Variants in DTX3L observed in about 807,000 individuals in gnomAD.
The protein encoded by DTX3L is E3 ubiquitin-protein ligase DTX3L.
Under a neutral mutation model 60.9 loss-of-function variants are expected in DTX3L, and 34 were observed. That is an observed-to-expected ratio of 0.56 (90% CI 0.42 to 0.74). The LOEUF (loss-of-function observed/expected upper bound fraction) is 0.74. DTX3L is among the 30% of genes least tolerant of loss of function. The probability of loss-of-function intolerance (pLI) is 0.00; values close to 1 mark genes in which losing one functional copy is unlikely to be tolerated. For synonymous variants in DTX3L, 290 were observed against 316.6 expected (o/e 0.92, Z 0.89); for missense variants, 810 against 874.0 (o/e 0.93, Z 0.92).
chr3:122,565,560 G>GGAAA (rs1329903448), intron 1 of DTX3L, among the ~76,000 whole-genome samples: 1 of 147,550 alleles, frequency 6.8e-6, no homozygotes, highest in Non-Finnish European at 1.5e-5. Flanking sequence ...AGGGAGGGAG[G>GGAAA]GAAAGAAGGA....
In DTX3L at chr3:122,571,815, C is replaced by A; in HGVS notation, c.*68C>A. On this transcript the variant is annotated 3_prime_UTR_variant, in exon 5 of 5. Coordinates refer to ENST00000296161, the MANE Select transcript of DTX3L (RefSeq NM_138287.3). The stretch of plus-strand genomic sequence containing the variant: ...TATATTTTAGGAGGCTGATTTAATG[C>A]CAGTCTAAATCCTTATGTAGAAAGG... 7.4e-7 allele frequency: 1 copy of A among 1,348,550 alleles called. No individual in the cohort carries two copies. Among genetic ancestry groups the A allele is most frequent in the Non-Finnish European group, 1.0e-6 (1 of 968,980 alleles). 83.5% of individuals were successfully genotyped at this position (1,348,550 alleles called of 1,614,324 possible). A position where few individuals can be genotyped will look rare whatever the true frequency, so the allele number is the denominator to read the frequency against.
At chr3:122,566,807 C>T (rs959331006) in intron 2 of DTX3L, among the ~76,000 whole-genome samples, 1 of 152,160 alleles carries the variant, frequency 6.6e-6, no homozygotes, top group African/African-American at 2.4e-5. Context: ...GCTGGGGAGG[C>T]AGCCAGGAAC....
At chr3:122,565,278 G>A (rs966035439) in intron 1 of DTX3L, among the ~76,000 whole-genome samples, 1 of 152,028 alleles carries the variant, frequency 6.6e-6, no homozygotes, top group Non-Finnish European at 1.5e-5. Context: ...TTTGGAGGCC[G>A]AGGTTGGTGG....
In DTX3L at chr3:122,568,644, T is replaced by C. The variant is rs768299894; in HGVS notation, c.555T>C (p.His185=). The change falls in exon 3 of 5, where the codon CAT becomes CAC. Residue 185 remains histidine, a synonymous_variant. Coordinates refer to ENST00000296161, the MANE Select transcript of DTX3L (RefSeq NM_138287.3). The part of the protein sequence containing the change: ...CGDFQDIERI[H]QFLSEQFLES... ...ACTTCCAAGACATTGAAAGAATACA[T>C]CAATTTTTGAGTGAGCAGTTCCTGG... The C allele has an allele frequency of 3.1e-6, 5 of 1,614,004 alleles. No individual in the cohort carries two copies. The highest frequency in any genetic ancestry group is 4.2e-6 in the Non-Finnish European group (5 of 1,180,032).
chr3:122,575,030 A>C lies in DTX3L; in HGVS notation c.*3283A>C, dbSNP rs1232165758. 2 of 152,218 alleles carry C rather than the reference A, an allele frequency of 1.3e-5. No homozygotes were observed. The highest frequency in any genetic ancestry group is 2.9e-5 in the Non-Finnish European group (2 of 68,038). 9.4% of individuals were successfully genotyped at this position (152,218 alleles called of 1,614,324 possible). A position where few individuals can be genotyped will look rare whatever the true frequency, so the allele number is the denominator to read the frequency against. On this transcript the variant is annotated 3_prime_UTR_variant, in exon 5 of 5. Coordinates refer to ENST00000296161, the MANE Select transcript of DTX3L (RefSeq NM_138287.3). Reference sequence around the variant, plus strand: ...TCTTTTAGCTAAATTTGTTCCAAAGAAGCAAAAGTTTGGTTTCTACTAAGT... The same window carrying C: ...TCTTTTAGCTAAATTTGTTCCAAAGCAGCAAAAGTTTGGTTTCTACTAAGT...
At position 122,569,223 on chromosome 3, in the gene DTX3L, T is replaced by C. The variant is rs774974553; in HGVS notation, c.1134T>C (p.Ile378=). Residue 378 remains isoleucine, a synonymous_variant, in exon 3 of 5, where the codon ATT becomes ATC. Coordinates refer to ENST00000296161, the MANE Select transcript of DTX3L (RefSeq NM_138287.3). ...CTGCCAATTACATGATGAATGTAATTGAGGTTGATAGTGCCCACTATAAAC... is the reference window on the plus strand; with the variant it reads ...CTGCCAATTACATGATGAATGTAATCGAGGTTGATAGTGCCCACTATAAAC... ...LFAANYMMNV[I]EVDSAHYKLL... 1 of 1,614,152 alleles carries C rather than the reference T, an allele frequency of 6.2e-7. No homozygotes were observed. The highest frequency in any genetic ancestry group is 1.1e-5 in the South Asian group (1 of 91,082).
At chr3:122,570,979 C>G (rs182159976) in intron 4 of DTX3L, among the ~76,000 whole-genome samples, 1 of 152,096 alleles carries the variant, frequency 6.6e-6, no homozygotes, top group Admixed American at 6.6e-5. Flanking sequence ...GCTAGATGCT[C>G]GGAATGTCAC....
Position 122,569,548 on chromosome 3 carries a change from C to A in DTX3L, c.1459C>A (p.Gln487Lys). ...RHPNVHFVLNQESMTLTGLPN... is the reference protein window; with the variant it reads ...RHPNVHFVLNKESMTLTGLPN... The stretch of plus-strand genomic sequence containing the variant: ...TCCAAATGTACACTTTGTGCTAAAT[C>A]AAGAGTCAATGACTTTGACTGGTTT... Residue 487 changes from glutamine (Q) to lysine (K), a missense_variant, in exon 3 of 5, where the codon CAA becomes AAA. Transcript: ENST00000296161. The A allele has an allele frequency of 3.7e-6, 6 of 1,614,180 alleles. No individual in the cohort carries two copies. Among genetic ancestry groups the A allele is most frequent in the Non-Finnish European group, 5.1e-6 (6 of 1,180,042 alleles).
rs1216615032 is a variant in DTX3L, at chr3:122,569,608, CT to C, written c.1520del (p.Leu507GlnfsTer14). Reference sequence around the variant, plus strand: ...CCTTGCAAAGGCGAAGCAGTATGTTCTAAAAGGAGGAGGAATGTCTTCATTG... The same window carrying C: ...CCTTGCAAAGGCGAAGCAGTATGTTCAAAAGGAGGAGGAATGTCTTCATTG... ...NHLAKAKQYVLKGGGMSSLAG... is the reference protein window; with the variant it reads ...NHLAKAKQYVXKGGGMSSLAG... On this transcript the variant is annotated frameshift_variant, in exon 3 of 5. Coordinates refer to ENST00000296161, the MANE Select transcript of DTX3L (RefSeq NM_138287.3). LOFTEE classifies it high-confidence loss of function. 1.9e-6 allele frequency: 3 copies of C among 1,614,132 alleles called. No individual in the cohort carries two copies. The African/African-American group carries it at 4.0e-5, about 22-fold the overall frequency.
In DTX3L at chr3:122,569,102, G is replaced by C; in HGVS notation, c.1013G>C (p.Gly338Ala). 6.2e-7 allele frequency: 1 copy of C among 1,614,138 alleles called. No individual in the cohort carries two copies. Among genetic ancestry groups the C allele is most frequent in the Non-Finnish European group, 8.5e-7 (1 of 1,180,022 alleles). ...ACAAAGCTCCTTATAAAGGAGAAAG[G>C]AGGCGAATTAACTCTCCTTGGGACC... Reference protein sequence around the residue: ...QFTKLLIKEKGGELTLLGTQD... With the variant: ...QFTKLLIKEKAGELTLLGTQD... The change falls in exon 3 of 5, where the codon GGA becomes GCA. Residue 338 changes from glycine (G) to alanine (A), a missense_variant. Coordinates refer to ENST00000296161, the MANE Select transcript of DTX3L (RefSeq NM_138287.3).
Position 122,570,665 on chromosome 3 carries a change from C to A in DTX3L, c.2146C>A (p.Pro716Thr). ...CCACAAAACATCCCGGTTTGGAGGA[C>A]CAGAAATGTGAGATCCTTTTGGGAT... ...IHHKTSRFGGPEMYGYPDPSY... is the reference protein window; with the variant it reads ...IHHKTSRFGGTEMYGYPDPSY... The change falls in exon 4 of 5, where the codon CCA becomes ACA. Residue 716 changes from proline to threonine, a missense_variant. Pro to Thr is a conservative substitution (Grantham distance 38). Transcript: ENST00000296161. The A allele has an allele frequency of 1.9e-6, 3 of 1,614,034 alleles. No individual in the cohort carries two copies. Among genetic ancestry groups the A allele is most frequent in the Non-Finnish European group, 2.5e-6 (3 of 1,179,996 alleles).
rs2080670030 is a variant in DTX3L, at chr3:122,574,593, T to TC, written c.*2849dup. The TC allele has an allele frequency of 6.6e-6, 1 of 152,236 alleles. No homozygotes were observed. Among genetic ancestry groups the TC allele is most frequent in the Non-Finnish European group, 1.5e-5 (1 of 68,046 alleles). The allele number at this position is 152,236 out of a possible 1,614,324, so 9.4% of individuals were successfully genotyped here. On this transcript the variant is annotated 3_prime_UTR_variant, in exon 5 of 5. Coordinates refer to ENST00000296161, the MANE Select transcript of DTX3L (RefSeq NM_138287.3). Reference sequence around the variant, plus strand: ...TCTGTGTGATTGATACAGTTCATATTCCCATTTTATAACTGAGAAAACTGG... The same window carrying TC: ...TCTGTGTGATTGATACAGTTCATATTCCCCATTTTATAACTGAGAAAACTGG...
Position 122,569,838 on chromosome 3 carries a change from C to A in DTX3L, c.1749C>A (p.Ala583=). ...VLPKCKHEFC[A]PCINKAMSYK... is the part of the protein sequence containing the mutation. ...CAAAGTGCAAGCATGAATTCTGCGCCCCTTGTATCAACAAAGCCATGTCAT... is the reference window on the plus strand; with the variant it reads ...CAAAGTGCAAGCATGAATTCTGCGCACCTTGTATCAACAAAGCCATGTCAT... The change falls in exon 3 of 5, where the codon GCC becomes GCA. Residue 583 remains alanine (A), a synonymous_variant. Transcript: ENST00000296161. The A allele has an allele frequency of 6.2e-7, 1 of 1,614,098 alleles. No individual in the cohort carries two copies.
rs201919153 is a variant in DTX3L, at chr3:122,569,746, C to G, written c.1657C>G (p.Leu553Val). ...KGSVSSEASELDKKEKGICVI... is the reference protein window; with the variant it reads ...KGSVSSEASEVDKKEKGICVI... ...CTCTGTGAGTTCTGAGGCCTCAGAA[C>G]TGGACAAGAAGGAAAAGGGCATCTG... Residue 553 changes from leucine (L) to valine (V), a missense_variant, in exon 3 of 5, where the codon CTG (leucine) becomes GTG (valine). Transcript: ENST00000296161. 541 of 1,614,108 alleles carry G rather than the reference C, an allele frequency of 3.4e-4. No homozygotes were observed. The highest frequency in any genetic ancestry group is 4.0e-4 in the Non-Finnish European group (476 of 1,180,002).
At chr3:122,565,406 GGA>G (rs1386748405) in intron 1 of DTX3L, among the ~76,000 whole-genome samples, 1 of 151,444 alleles carries the variant, frequency 6.6e-6, no homozygotes, top group Non-Finnish European at 1.5e-5. Flanking sequence ...AAGCTACTCT[GGA>G]GGCTGAGGCA....
chr3:122,569,145 T>C lies in DTX3L; in HGVS notation c.1056T>C (p.Ala352=), dbSNP rs757016448. ...TLLGTQDDIS[A]AKQKISEAFV... is the part of the protein sequence containing the mutation. ...TTGGGACCCAAGATGACATTTCAGC[T>C]GCCAAACAAAAAATCTCTGAAGCTT... The change falls in exon 3 of 5, where the codon GCT becomes GCC. Residue 352 remains alanine, a synonymous_variant. Coordinates refer to ENST00000296161, the MANE Select transcript of DTX3L (RefSeq NM_138287.3). The C allele has an allele frequency of 1.1e-5, 18 of 1,614,226 alleles. No individual in the cohort carries two copies. The highest frequency in any genetic ancestry group is 1.3e-5 in the Non-Finnish European group (15 of 1,180,036).
Position 122,569,248 on chromosome 3 carries a change from C to A in DTX3L, c.1159C>A (p.Leu387Ile), listed in dbSNP as rs1217929895. ...VIEVDSAHYK[L>I]LETELLQEIS... ...TGAGGTTGATAGTGCCCACTATAAA[C>A]TTTTAGAAACTGAATTACTACAGGA... The change falls in exon 3 of 5, where the codon CTT becomes ATT. Residue 387 changes from leucine to isoleucine, a missense_variant. By Grantham distance (5) the Leu-to-Ile change is conservative. Transcript: ENST00000296161. 2 of 1,614,046 alleles carry A rather than the reference C, an allele frequency of 1.2e-6. No homozygotes were observed. The highest frequency in any genetic ancestry group is 2.2e-5 in the South Asian group (2 of 91,074).
Position 122,564,546 on chromosome 3 carries a change from G to A in DTX3L, c.120G>A (p.Glu40=). Residue 40 remains glutamate (E), a synonymous_variant, in exon 1 of 5, where the codon GAG becomes GAA. Coordinates refer to ENST00000296161, the MANE Select transcript of DTX3L (RefSeq NM_138287.3). ...GCTCTAAGTCCTCGGGCGGCGGGGAGTGCACGGTCAGCACCCAGGAACACG... is the reference window on the plus strand; with the variant it reads ...GCTCTAAGTCCTCGGGCGGCGGGGAATGCACGGTCAGCACCCAGGAACACG... ...FQSSKSSGGG[E]CTVSTQEHEA... 1.2e-6 allele frequency: 2 copies of A among 1,610,738 alleles called. No homozygotes were observed. The highest frequency in any genetic ancestry group is 1.7e-6 in the Non-Finnish European group (2 of 1,178,200).
intron 1 of DTX3L, among the ~76,000 whole-genome samples, chr3:122,565,548 G>T (rs546549080): frequency 6.7e-6 from 1 of 150,276 alleles, no homozygotes; most frequent in South Asian, 2.1e-4. Flanking sequence ...AGGAAGGAAG[G>T]GAGGGAGGGA....
Sources: gnomAD v4.1 joint callset for allele counts (sites outside exome capture counted in the v4.1 genomes callset) on GRCh38, gnomAD v4.1.1 for gene constraint, MANE v1.5 for transcripts, NCBI Gene and HGNC (gene_info 2026-07-23, HGNC 2026-07-21) for gene names.